Variants in LRRC37A2 observed in about 807,000 individuals in gnomAD.
LRRC37A2 encodes the protein leucine rich repeat containing 37 member A2.
In LRRC37A2, 9 loss-of-function variants were observed where a neutral mutation model predicts 68.8. The ratio of observed to expected loss-of-function variants is 0.13; its 90% CI spans 0.08 to 0.23. The LOEUF (loss-of-function observed/expected upper bound fraction) is 0.23. Among genes scored for constraint, LRRC37A2 ranks in the 10% least tolerant of loss-of-function variants. The pLI, the probability that LRRC37A2 is intolerant of heterozygous loss-of-function variation, is 1.00. For synonymous variants in LRRC37A2, 63 were observed against 367.6 expected (o/e 0.17, Z 9.48); for missense variants, 168 against 950.4 (o/e 0.18, Z 10.82).
At chr17:46,768,384 T>A in the LRRC37A2 span, 1 of 1,613,820 alleles carries the variant, frequency 6.2e-7, no homozygotes, top group Non-Finnish European at 8.5e-7. This position sits in a 1 kb window ranked among gnomAD's most constrained non-coding sequence, Gnocchi z 5.0. Context: ...GCAGCACCAG[T>A]GGAAGATGCA....
At chr17:46,809,197 G>T in the LRRC37A2 span, among the ~76,000 whole-genome samples, 1 of 152,214 alleles carries the variant, frequency 6.6e-6, no homozygotes, top group Admixed American at 6.5e-5. Flanking sequence ...CAGATAGGAA[G>T]AGGGGAGCCA....
At chr17:46,970,020 G>A in the LRRC37A2 span, among the ~76,000 whole-genome samples, 1 of 152,180 alleles carries the variant, frequency 6.6e-6, no homozygotes, top group African/African-American at 2.4e-5. Context: ...GCTGACTACA[G>A]CTAACCTCTC....
the LRRC37A2 span, among the ~76,000 whole-genome samples, chr17:46,841,913 T>G: frequency 6.6e-6 from 1 of 152,188 alleles, no homozygotes; most frequent in Admixed American, 6.5e-5. Flanking sequence ...GGGTCTCTGG[T>G]CCGCGAGAGG....
chr17:46,981,648 A>C, the LRRC37A2 span, among the ~76,000 whole-genome samples: 1 of 152,184 alleles, frequency 6.6e-6, no homozygotes, highest in Admixed American at 6.5e-5. Flanking sequence ...CCTGATACTC[A>C]TTATTAGAAC....
the LRRC37A2 span, among the ~76,000 whole-genome samples, chr17:46,403,675 A>G: frequency 1.1e-5 from 1 of 93,356 alleles, no homozygotes; most frequent in East Asian, 2.4e-4. Context: ...TTTGTATCAG[A>G]TGCTATCACT....
chr17:46,852,389 AGTGTGTGT>A, the LRRC37A2 span, among the ~76,000 whole-genome samples: 8,151 of 105,286 alleles, frequency 0.077, 501 homozygotes, highest in African/African-American at 0.15. Flanking sequence ...GAGAGGGCCC[AGTGTGTGT>A]GTGTGTGTGT....
chr17:46,804,779 T>C, the LRRC37A2 span, among the ~76,000 whole-genome samples: 2 of 152,152 alleles, frequency 1.3e-5, no homozygotes, highest in Admixed American at 6.5e-5. Context: ...CACCAATCAG[T>C]GCTCTGTAAG....
chr17:46,938,438 G>A, the LRRC37A2 span, among the ~76,000 whole-genome samples: 1 of 152,120 alleles, frequency 6.6e-6, no homozygotes, highest in Admixed American at 6.5e-5. Context: ...ATCAGTCGAC[G>A]ACATGAGAGT....
chr17:46,931,657 T>TCCACCCCCCCCC, the LRRC37A2 span: 1 of 279,390 alleles, frequency 3.6e-6, no homozygotes, highest in Admixed American at 5.1e-5. Context: ...CCTTGCCACC[T>TCCACCCCCCCCC]CCACCCCCAG....
chr17:47,032,496 A>G, the LRRC37A2 span, among the ~76,000 whole-genome samples: 1 of 152,330 alleles, frequency 6.6e-6, no homozygotes, highest in Admixed American at 6.5e-5. Flanking sequence ...ATAGGAGCTG[A>G]ATGATGACAA....
chr17:47,047,544 G>A, the LRRC37A2 span, among the ~76,000 whole-genome samples: 1 of 150,896 alleles, frequency 6.6e-6, no homozygotes, highest in Admixed American at 6.6e-5. Context: ...CACACACTGT[G>A]TACTGTGCTC....
At chr17:46,978,337 A>G in the LRRC37A2 span, 1 of 385,520 alleles carries the variant, frequency 2.6e-6, no homozygotes, top group East Asian at 5.0e-5. Flanking sequence ...GCAGTCCCAA[A>G]TTGCATCTCC....
chr17:46,807,808 C>T, the LRRC37A2 span, among the ~76,000 whole-genome samples: 190 of 152,276 alleles, frequency 1.2e-3, no homozygotes, highest in Middle Eastern at 3.4e-3. Context: ...AAGGTCCACA[C>T]GGGTGCAAGG....
chr17:46,799,046 C>CAA, the LRRC37A2 span, among the ~76,000 whole-genome samples: 780 of 93,178 alleles, frequency 8.4e-3, 10 homozygotes, highest in African/African-American at 0.025. Context: ...GACTCCGTCT[C>CAA]AAAAAAAAAA....
the LRRC37A2 span, chr17:46,762,533 T>A: frequency 1.3e-5 from 2 of 151,832 alleles, no homozygotes; most frequent in African/African-American, 4.8e-5. Context: ...TTCTCTTTAA[T>A]GACTTAACAG....
At chr17:46,946,847 A>G in the LRRC37A2 span, among the ~76,000 whole-genome samples, 1 of 152,200 alleles carries the variant, frequency 6.6e-6, no homozygotes, top group Non-Finnish European at 1.5e-5. Context: ...TGGGTGACGA[A>G]ATGAGACTCT....
chr17:46,876,593 G>A, the LRRC37A2 span: 16 of 1,613,336 alleles, frequency 9.9e-6, no homozygotes, highest in Non-Finnish European at 1.4e-5. Context: ...CCTGTGCTGC[G>A]GGCGGGGCTA....
chr17:46,802,983 C>T, the LRRC37A2 span, among the ~76,000 whole-genome samples: 1 of 152,194 alleles, frequency 6.6e-6, no homozygotes, highest in East Asian at 1.9e-4. Context: ...GTAAAGCAGC[C>T]TGGGGCTTGG....
chr17:46,991,564 A>G, the LRRC37A2 span, among the ~76,000 whole-genome samples: 1 of 152,222 alleles, frequency 6.6e-6, no homozygotes. Flanking sequence ...GTGGGCTGAG[A>G]TTGCACCATT....
Sources: allele counts gnomAD v4.1 joint callset (sites outside exome capture counted in the v4.1 genomes callset), GRCh38; gene constraint gnomAD v4.1.1; non-coding constraint Gnocchi (gnomAD v3.1); transcripts MANE v1.5; gene names NCBI Gene and HGNC (gene_info 2026-07-23, HGNC 2026-07-21).